TM2D3: variants seen among roughly 807,000 people sequenced by gnomAD.
TM2D3 encodes TM2 domain containing 3, also known as TM2 domain-containing protein 3.
A neutral mutation model predicts 27.3 loss-of-function variants in TM2D3; 33 were observed. The observed-to-expected ratio is 1.21, with a 90% CI of 0.92 to 1.61. The LOEUF (loss-of-function observed/expected upper bound fraction) is 1.61. Among genes scored for constraint, TM2D3 ranks in the 40% most tolerant of loss-of-function variants. TM2D3 has a pLI of 0.00. For missense variants in TM2D3, 364 were observed against 320.8 expected, an observed-to-expected ratio of 1.13 and a Z score of -1.03; for synonymous variants, 138 against 122.2, an observed-to-expected ratio of 1.13 and a Z score of -0.85.
Position 101,646,749 on chromosome 15 carries a change from C to T in TM2D3, c.478G>A (p.Val160Met). 1 of 1,614,164 alleles carries T rather than the reference C, an allele frequency of 6.2e-7. No homozygotes were observed. Reference protein sequence around the residue: ...PRQRYPANCTVRDHVHCLGNR... With the variant: ...PRQRYPANCTMRDHVHCLGNR... ...CCCAAGCAGTGGACGTGGTCCCGCA[C>T]CGTGCAGTTGGCAGGGTAGCGCTGC... Residue 160 changes from valine to methionine, a missense_variant, in exon 4 of 6, where the codon GTG (valine) becomes ATG (methionine). Val to Met is a conservative substitution (Grantham distance 21). Coordinates refer to ENST00000333202, the MANE Select transcript of TM2D3 (RefSeq NM_078474.3).
intron 2 of TM2D3, 30 bp from the exon 3 acceptor site, chr15:101,650,191 C>T: frequency 1.3e-6 from 2 of 1,594,802 alleles, no homozygotes; most frequent in South Asian, 1.1e-5. Context: ...AGCTTATTCT[C>T]CTATAATACT....
In TM2D3 at chr15:101,646,782, A is replaced by G. The variant is rs1443349306; in HGVS notation, c.445T>C (p.Cys149Arg). 6.2e-6 allele frequency: 10 copies of G among 1,614,226 alleles called. No homozygotes were observed. Among genetic ancestry groups the G allele is most frequent in the Non-Finnish European group, 8.5e-6 (10 of 1,180,032 alleles). ...TNSTSCMTVS[C>R]PRQRYPANCT... ...TTGGCAGGGTAGCGCTGCCGAGGAC[A>G]GGACACCGTCATGCAGCTGGTGGAG... Residue 149 changes from cysteine to arginine, a missense_variant, in exon 4 of 6, where the codon TGT becomes CGT. By Grantham distance (180) the Cys-to-Arg change is radical. Coordinates refer to ENST00000333202, the MANE Select transcript of TM2D3 (RefSeq NM_078474.3).
downstream of TM2D3, among the ~76,000 whole-genome samples, chr15:101,640,996 C>T (rs954171247): frequency 6.6e-6 from 1 of 152,226 alleles, no homozygotes; most frequent in Non-Finnish European, 1.5e-5. Context: ...ACTAACTTCC[C>T]ACCGACTCCC....
chr15:101,650,722 C>A (rs1019861186), intron 2 of TM2D3: 7 of 152,222 alleles, frequency 4.6e-5, no homozygotes, highest in African/African-American at 1.7e-4. Context: ...CAGTTTTACG[C>A]TACCAAAGTT....
downstream of TM2D3, among the ~76,000 whole-genome samples, chr15:101,639,034 T>C (rs1896610708): frequency 1.3e-5 from 2 of 152,204 alleles, no homozygotes; most frequent in African/African-American, 4.8e-5. Flanking sequence ...TAGTAAATTA[T>C]GTCCACGTGT....
At chr15:101,647,036 A>G in intron 3 of TM2D3, 137 bp from the exon 4 acceptor site, 1 of 812,842 alleles carries the variant, frequency 1.2e-6, no homozygotes, top group Non-Finnish European at 2.0e-6. Flanking sequence ...CCAGAAAAAC[A>G]GTTACCAAAA....
At position 101,646,888 on chromosome 15, in the gene TM2D3, G is replaced by C. The variant is rs1278422037; in HGVS notation, c.339C>G (p.Phe113Leu). Residue 113 changes from phenylalanine (F) to leucine (L), a missense_variant, in exon 4 of 6, where the codon TTC (phenylalanine) becomes TTG (leucine). By Grantham distance (22) the Phe-to-Leu change is conservative (BLOSUM62 0). Transcript: ENST00000333202. ...KPSVTCVDQDFKSQKNFIINM... is the reference protein window; with the variant it reads ...KPSVTCVDQDLKSQKNFIINM... ...TAATGATGAAGTTCTTTTGGGATTT[G>C]AAGTCTTGATCCTATGTAGCAAATG... The C allele has an allele frequency of 1.2e-6, 2 of 1,614,058 alleles. No individual in the cohort carries two copies. The highest frequency in any genetic ancestry group is 2.7e-5 in the African/African-American group (2 of 74,908).
downstream of TM2D3, among the ~76,000 whole-genome samples, chr15:101,638,365 G>A (rs1896595727): frequency 6.6e-6 from 1 of 151,824 alleles, no homozygotes; most frequent in African/African-American, 2.4e-5. Context: ...TATGATCTCG[G>A]CTCACAGCAG....
In TM2D3 at chr15:101,636,608, C is replaced by T. The variant is rs141819795; in HGVS notation, c.501-2880G>A. Reference sequence around the variant, plus strand: ...TTCAGGGCCTCCCGGATTCATTTTGCTAGGGTTTGACCTAAGTGACCCCAT... The same window carrying T: ...TTCAGGGCCTCCCGGATTCATTTTGTTAGGGTTTGACCTAAGTGACCCCAT... On this transcript the variant is annotated intron_variant, in intron 4 of 4. Coordinates refer to the TM2D3 transcript ENST00000428002. 6.7e-4 allele frequency: 113 copies of T among 168,284 alleles called. No homozygotes were observed. The East Asian group carries it at 0.016, about 24-fold the overall frequency. The allele number at this position is 168,284 out of a possible 1,614,324, so 10.4% of individuals were successfully genotyped here.
rs1406639967 is a variant in TM2D3 at position 101,641,860 on chromosome 15, C to A, written c.*619G>T. ...CAGGCCCACAGTATTTCTTAACTTG[C>A]AATTTTATTAATTTTTCAGTACTCT... is the stretch of plus-strand genomic sequence containing the variant. On this transcript the variant is annotated 3_prime_UTR_variant, in exon 6 of 6. Transcript: ENST00000333202. The A allele has an allele frequency of 1.1e-6, 1 of 923,286 alleles. No individual in the cohort carries two copies. Among genetic ancestry groups the A allele is most frequent in the Non-Finnish European group, 1.3e-6 (1 of 773,370 alleles). The allele number at this position is 923,286 out of a possible 1,614,324, so 57.2% of individuals were successfully genotyped here.
chr15:101,649,117 T>C (rs1347048503), intron 3 of TM2D3, among the ~76,000 whole-genome samples: 1 of 152,216 alleles, frequency 6.6e-6, no homozygotes, highest in Non-Finnish European at 1.5e-5. Flanking sequence ...TTTTTCATGT[T>C]ATATATCTAT....
downstream of TM2D3, chr15:101,641,799 G>A: frequency 1.5e-6 from 1 of 649,328 alleles, no homozygotes; most frequent in Non-Finnish European, 1.9e-6. Flanking sequence ...AAGGTAAGTT[G>A]TAATGATTAT....
intron 4 of TM2D3, chr15:101,645,363 G>A (rs940104284): frequency 1.0e-5 from 6 of 576,616 alleles, no homozygotes; most frequent in East Asian, 2.9e-5. Context: ...GGATTACAAC[G>A]TGAGGAACAT....
downstream of TM2D3, among the ~76,000 whole-genome samples, chr15:101,641,272 T>TAAACA (rs55775443): frequency 3.4e-4 from 51 of 151,486 alleles, no homozygotes; most frequent in South Asian, 1.0e-3. Context: ...AAGTTCCTCG[T>TAAACA]AAACAAAACA....
At chr15:101,645,492 T>C (rs547937917) in intron 4 of TM2D3, 5 of 288,828 alleles carry the variant, frequency 1.7e-5, no homozygotes, top group East Asian at 9.7e-5. Context: ...ACCAGAAATA[T>C]ACAAACACTT....
intron 2 of TM2D3, chr15:101,650,935 A>T (rs867313320): frequency 6.6e-6 from 1 of 152,238 alleles, no homozygotes; most frequent in African/African-American, 2.4e-5. Flanking sequence ...ATTCAAGTGC[A>T]CTGCTGTTTT....
intron 4 of TM2D3, chr15:101,645,466 G>A (rs964796299): frequency 9.2e-6 from 3 of 325,184 alleles, no homozygotes; most frequent in African/African-American, 6.6e-5. Context: ...AATAGGAAAA[G>A]AAGAGAAAGT....
chr15:101,644,304 C>G (rs1896748352), intron 5 of TM2D3, among the ~76,000 whole-genome samples: 1 of 152,164 alleles, frequency 6.6e-6, no homozygotes, highest in Non-Finnish European at 1.5e-5. Context: ...CACCTGGCAA[C>G]ATCTGGAGAC....
chr15:101,637,633 A>G (rs1445927096), downstream of TM2D3, among the ~76,000 whole-genome samples: 1 of 152,200 alleles, frequency 6.6e-6, no homozygotes, highest in South Asian at 2.1e-4. Context: ...AAAAAAGGTC[A>G]GAGTTTAGTC....
Sources: gnomAD v4.1 joint callset for allele counts (sites outside exome capture counted in the v4.1 genomes callset) on GRCh38, gnomAD v4.1.1 for gene constraint, MANE v1.5 for transcripts, NCBI Gene and HGNC (gene_info 2026-07-23, HGNC 2026-07-21) for gene names.